NUBP1: variants seen among roughly 807,000 people sequenced by gnomAD.
NUBP1 encodes the protein NUBP iron-sulfur cluster assembly factor 1, cytosolic.
In NUBP1, 46 loss-of-function variants were observed where a neutral mutation model predicts 41.8. The observed-to-expected ratio is 1.10, with a 90% CI of 0.87 to 1.41. The LOEUF (loss-of-function observed/expected upper bound fraction) is 1.41. Among genes scored for constraint, NUBP1 ranks in the 40% most tolerant of loss-of-function variants. NUBP1 has a pLI of 0.00. For synonymous variants in NUBP1, 189 were observed against 154.6 expected, an observed-to-expected ratio of 1.22 and a Z score of -1.65; for missense variants, 494 against 414.0, an observed-to-expected ratio of 1.19 and a Z score of -1.68.
intron 5 of NUBP1, among the ~76,000 whole-genome samples, chr16:10,756,312 G>A (rs933759706): frequency 6.6e-6 from 1 of 152,178 alleles, no homozygotes; most frequent in African/African-American, 2.4e-5. Flanking sequence ...CCGGGAGGCA[G>A]AGGCTGCAGC....
At chr16:10,764,261 A>G (rs2030496818) in intron 9 of NUBP1, among the ~76,000 whole-genome samples, 1 of 152,280 alleles carries the variant, frequency 6.6e-6, no homozygotes, top group Non-Finnish European at 1.5e-5. Context: ...GGAGCACCTC[A>G]GTGTACTTTG....
In NUBP1 at chr16:10,757,986, A is replaced by G. The variant is rs754624544; in HGVS notation, c.565A>G (p.Thr189Ala). Residue 189 changes from threonine to alanine, a missense_variant, in exon 7 of 11, where the codon ACA (threonine) becomes GCA (alanine). By Grantham distance (58) the Thr-to-Ala change is moderately conservative. Transcript: ENST00000283027. The surrounding 1 kb of genome is among the most constrained non-coding windows in gnomAD (Gnocchi z 4.1). ...CCTCTCGGTCGTCCGGTACCTGGCC[A>G]CAGCACACATCGATGGAGCAGTGAT... Reference protein sequence around the residue: ...EHLSVVRYLATAHIDGAVIIT... With the variant: ...EHLSVVRYLAAAHIDGAVIIT... 6.2e-7 allele frequency: 1 copy of G among 1,614,066 alleles called. No homozygotes were observed. The highest frequency in any genetic ancestry group is 2.2e-5 in the East Asian group (1 of 44,866).
intron 3 of NUBP1, 47 bp from the exon 4 acceptor site, chr16:10,752,563 T>G: frequency 6.9e-7 from 1 of 1,454,426 alleles, no homozygotes; most frequent in Non-Finnish European, 9.7e-7. Context: ...GTGTCTGGAG[T>G]GTGTGCATTC....
At chr16:10,748,230 C>T (rs1225849296) in intron 3 of NUBP1, among the ~76,000 whole-genome samples, 1 of 152,166 alleles carries the variant, frequency 6.6e-6, no homozygotes, top group Admixed American at 6.5e-5. Flanking sequence ...AGATTATAGG[C>T]ATGAGCCACC....
intron 4 of NUBP1, among the ~76,000 whole-genome samples, chr16:10,754,291 G>A (rs1406094430): frequency 6.6e-6 from 1 of 151,892 alleles, no homozygotes; most frequent in Non-Finnish European, 1.5e-5. Flanking sequence ...TGCCCAGGCT[G>A]GAGTGCAGTG....
intron 2 of NUBP1, among the ~76,000 whole-genome samples, chr16:10,745,818 G>T (rs1027085022): frequency 6.6e-6 from 1 of 152,216 alleles, no homozygotes; most frequent in Non-Finnish European, 1.5e-5. Flanking sequence ...GGTAGGAGAG[G>T]AAGGACTATC....
In NUBP1 at chr16:10,749,354, C is replaced by G. The variant is rs988860734; in HGVS notation, c.258+2078C>G. 6.6e-6 allele frequency among the ~76,000 whole-genome samples: 1 copy of G among 152,196 alleles called. No individual in the cohort carries two copies. The highest frequency in any genetic ancestry group is 2.4e-5 in the African/African-American group (1 of 41,436). On this transcript the variant is annotated intron_variant, in intron 3 of 10. Transcript: ENST00000283027. The surrounding 1 kb of genome is among the most constrained non-coding windows in gnomAD (Gnocchi z 4.1). ...TCACTGGAGATGGGCTTTCATCTCA[C>G]CACTTGCAAGTAACCACTTGTGAGT...
Position 10,767,986 on chromosome 16 carries a change from C to T in NUBP1, c.858C>T (p.Asp286=), listed in dbSNP as rs376114818. 58 of 1,613,932 alleles carry T rather than the reference C, an allele frequency of 3.6e-5. 3 individuals carry two copies. The South Asian group carries it at 4.5e-4, about 13-fold the overall frequency. ...ACAAAGGCCAGTCTTTTTTCATTGA[C>T]GCCCCAGATTCCCCAGCCACGTTAG... ...NCDKGQSFFI[D]APDSPATLAY... Residue 286 remains aspartate (D), a synonymous_variant, in exon 10 of 11, where the codon GAC becomes GAT. Coordinates refer to ENST00000283027, the MANE Select transcript of NUBP1 (RefSeq NM_002484.4). This position sits in a 1 kb window ranked among gnomAD's most constrained non-coding sequence, Gnocchi z 4.6.
chr16:10,757,328 C>T lies in NUBP1; in HGVS notation c.452-545C>T, dbSNP rs1055596555. ...TATAGAACCCTGAAATTATTTTTAT[C>T]ATGGTTTTATAGTGGCTTATTTGGG... is the stretch of plus-strand genomic sequence containing the variant. On this transcript the variant is annotated intron_variant, in intron 6 of 10. Transcript: ENST00000283027. This position sits in a 1 kb window ranked among gnomAD's most constrained non-coding sequence, Gnocchi z 4.1. Among the ~76,000 whole-genome samples the T allele has an allele frequency of 2.6e-5, 4 of 152,066 alleles. No homozygotes were observed. Among genetic ancestry groups the T allele is most frequent in the Admixed American group, 1.3e-4 (2 of 15,258 alleles).
intron 3 of NUBP1, among the ~76,000 whole-genome samples, chr16:10,747,786 C>T (rs1900129826): frequency 6.6e-6 from 1 of 152,200 alleles, no homozygotes; most frequent in South Asian, 2.1e-4. Context: ...TCTGTCCTTG[C>T]ATGTGGATAG....
intron 9 of NUBP1, among the ~76,000 whole-genome samples, chr16:10,764,056 G>A (rs1266440288): frequency 6.6e-6 from 1 of 151,484 alleles, no homozygotes; most frequent in African/African-American, 2.4e-5. Context: ...GCCCAAAGGA[G>A]CATCTCAGCC....
intron 9 of NUBP1, among the ~76,000 whole-genome samples, chr16:10,762,562 C>T (rs1392203958): frequency 6.6e-6 from 1 of 152,144 alleles, no homozygotes; most frequent in Non-Finnish European, 1.5e-5. Context: ...GCCGGGCGGG[C>T]CTCCGTTACT....
intron 9 of NUBP1, among the ~76,000 whole-genome samples, chr16:10,762,602 G>A (rs978571990): frequency 3.9e-5 from 6 of 152,332 alleles, no homozygotes; most frequent in African/African-American, 1.4e-4. Flanking sequence ...CCTGCGGGGC[G>A]TCCAGCACTC....
At chr16:10,761,562 GC>G in intron 8 of NUBP1, 88 bp downstream of exon 8, 1 of 1,192,368 alleles carries the variant, frequency 8.4e-7, no homozygotes, top group Non-Finnish European at 1.2e-6. Context: ...AACTATTTCT[GC>G]TTTCCCTGTC....
intron 3 of NUBP1, among the ~76,000 whole-genome samples, chr16:10,750,988 A>G (rs1477186334): frequency 6.6e-6 from 1 of 152,148 alleles, no homozygotes; most frequent in Non-Finnish European, 1.5e-5. Context: ...GCAAAATTAA[A>G]TGGACAGATT....
chr16:10,752,788 G>T, intron 4 of NUBP1, 110 bp downstream of exon 4: 2 of 963,216 alleles, frequency 2.1e-6, no homozygotes, highest in South Asian at 1.4e-5. Flanking sequence ...ATGTTTTTTT[G>T]TTGTTGTTTT....
rs1446945213 is a variant in NUBP1 at position 10,766,961 on chromosome 16, G to C, written c.821-988G>C. On this transcript the variant is annotated intron_variant, in intron 9 of 10. Transcript: ENST00000283027. This position sits in a 1 kb window ranked among gnomAD's most constrained non-coding sequence, Gnocchi z 4.8. ...TTTTCCTGACTCACTGGGCCATATG[G>C]GCTCCCCATCTCCCACCAACCCCTC... 1 of 398,542 alleles carries C rather than the reference G, an allele frequency of 2.5e-6. No individual in the cohort carries two copies. Among genetic ancestry groups the C allele is most frequent in the Admixed American group, 4.4e-5 (1 of 22,706 alleles). The allele number at this position is 398,542 out of a possible 1,614,324, so 24.7% of individuals were successfully genotyped here. A position where few individuals can be genotyped will look rare whatever the true frequency, so the allele number is the denominator to read the frequency against.
intron 3 of NUBP1, among the ~76,000 whole-genome samples, chr16:10,750,478 G>T (rs986874565): frequency 8.5e-5 from 13 of 152,100 alleles, no homozygotes; most frequent in Non-Finnish European, 1.8e-4. Context: ...CTGACCTCAG[G>T]TGATCCGCCT....
Position 10,766,143 on chromosome 16 carries a change from G to A in NUBP1, c.821-1806G>A, listed in dbSNP as rs2030843463. The A allele has an allele frequency of 6.6e-6, 1 of 152,476 alleles. No individual in the cohort carries two copies. The allele number at this position is 152,476 out of a possible 1,614,324, so 9.4% of individuals were successfully genotyped here. A position where few individuals can be genotyped will look rare whatever the true frequency, so the allele number is the denominator to read the frequency against. ...CAGCGCTCTGGTGCTATGGGTCCTG[G>A]TCCCGGTGTGCTGAGGATCACAGGA... On this transcript the variant is annotated intron_variant, in intron 9 of 10. Coordinates refer to ENST00000283027, the MANE Select transcript of NUBP1 (RefSeq NM_002484.4). The surrounding 1 kb of genome is among the most constrained non-coding windows in gnomAD (Gnocchi z 4.8).
Sources: gnomAD v4.1 joint callset for allele counts (sites outside exome capture counted in the v4.1 genomes callset) on GRCh38, gnomAD v4.1.1 for gene constraint, Gnocchi (gnomAD v3.1) non-coding constraint, MANE v1.5 for transcripts, NCBI Gene and HGNC (gene_info 2026-07-23, HGNC 2026-07-21) for gene names.